Variants in EGFL6 observed in about 807,000 individuals in gnomAD.
The protein encoded by EGFL6 is EGF like domain multiple 6.
EGFL6 carries 42 observed loss-of-function variants against 43.1 expected under a neutral mutation model. That is an observed-to-expected ratio of 0.98 (90% confidence interval 0.76 to 1.26). The LOEUF (loss-of-function observed/expected upper bound fraction) is 1.26, where lower values mean the gene tolerates loss of function less well. EGFL6 is among the 50% of genes most tolerant of loss of function. The probability of loss-of-function intolerance (pLI) is 0.00; values close to 1 mark genes in which losing one functional copy is unlikely to be tolerated. For missense variants in EGFL6, 429 were observed against 427.8 expected, an observed-to-expected ratio of 1.00 and a Z score of -0.02; for synonymous variants, 164 against 163.2, an observed-to-expected ratio of 1.01 and a Z score of -0.04.
At chrX:13,580,680 C>A (rs2045500848) in intron 1 of EGFL6, among the ~76,000 whole-genome samples, 1 of 112,111 alleles carries the variant, frequency 8.9e-6, no homozygotes, top group Non-Finnish European at 1.9e-5. Context: ...CAATAGCTTC[C>A]TTTTACTTTT....
intron 11 of EGFL6, 120 bp from the exon 12 acceptor site, chrX:13,632,865 T>C (rs1176841472): frequency 3.4e-6 from 2 of 591,416 alleles, no homozygotes; most frequent in East Asian, 7.0e-5. Flanking sequence ...TTACAGTATA[T>C]TCAATGTCGA....
In EGFL6 at chrX:13,633,182, A is replaced by G; in HGVS notation, c.*87A>G. On this transcript the variant is annotated 3_prime_UTR_variant, in exon 12 of 12. Transcript: ENST00000361306. ...ATAGGACCTCTGGCATTTTAGAATT[A>G]CTAGCTGAAAAATTGTAATGTACCA... 1 of 760,854 alleles carries G rather than the reference A, an allele frequency of 1.3e-6. No individual in the cohort carries two copies. The highest frequency in any genetic ancestry group is 1.9e-6 in the Non-Finnish European group (1 of 530,902). The allele number at this position is 760,854 out of a possible 1,213,427, so 62.7% of individuals were successfully genotyped here.
intron 11 of EGFL6, among the ~76,000 whole-genome samples, chrX:13,631,174 A>G (rs976751589): frequency 1.8e-5 from 2 of 112,282 alleles, no homozygotes; most frequent in Non-Finnish European, 3.8e-5. Context: ...CATGTTCCAA[A>G]TGAAATATTC....
chrX:13,599,523 C>A (rs767684567), intron 3 of EGFL6, among the ~76,000 whole-genome samples: 3 of 110,374 alleles, frequency 2.7e-5, no homozygotes, highest in Non-Finnish European at 5.7e-5. Context: ...CTATAGTTGT[C>A]GTTTGTTCAG....
chrX:13,607,612 G>A (rs1262260456), intron 6 of EGFL6, among the ~76,000 whole-genome samples: 1 of 111,886 alleles, frequency 8.9e-6, no homozygotes, highest in Admixed American at 9.5e-5. Flanking sequence ...ATACCTAAGG[G>A]GAGGTTCCAC....
Position 13,633,122 on chromosome X carries a change from G to C in EGFL6, c.*27G>C. 1 of 1,131,402 alleles carries C rather than the reference G, an allele frequency of 8.8e-7. No homozygotes were observed. The highest frequency in any genetic ancestry group is 1.2e-6 in the Non-Finnish European group (1 of 844,636). The allele number at this position is 1,131,402 out of a possible 1,213,427, so 93.2% of individuals were successfully genotyped here. A position where few individuals can be genotyped will look rare whatever the true frequency, so the allele number is the denominator to read the frequency against. ...TGTTACTATCTTTATATTTGACTTTGTATGTCAGTTCCCTGGTTTTTTTGA... is the reference window on the plus strand; with the variant it reads ...TGTTACTATCTTTATATTTGACTTTCTATGTCAGTTCCCTGGTTTTTTTGA... On this transcript the variant is annotated 3_prime_UTR_variant, in exon 12 of 12. Coordinates refer to ENST00000361306, the MANE Select transcript of EGFL6 (RefSeq NM_015507.4).
chrX:13,606,581 T>C, intron 6 of EGFL6, 68 bp downstream of exon 6: 1 of 1,089,755 alleles, frequency 9.2e-7, no homozygotes, highest in Non-Finnish European at 1.3e-6. Flanking sequence ...TCTCTGCAGA[T>C]ATTTTGATGT....
In EGFL6 at chrX:13,589,601, C is replaced by A; in HGVS notation, c.120C>A (p.Val40=). The A allele has an allele frequency of 8.3e-7, 1 of 1,211,418 alleles. No homozygotes were observed. Among genetic ancestry groups the A allele is most frequent in the Non-Finnish European group, 1.1e-6 (1 of 895,276 alleles). ...GLLASARQPG[V]CHYGTKLACC... is the part of the protein sequence containing the mutation. ...TAGCATCGGCACGTCAGCCTGGGGT[C>A]TGTCACTATGGAACTAAACTGGCCT... is the stretch of plus-strand genomic sequence containing the variant. The change falls in exon 2 of 12, where the codon GTC becomes GTA. Residue 40 remains valine (V), a synonymous_variant. Transcript: ENST00000361306.
At chrX:13,573,611 T>C (rs2045454818) in intron 1 of EGFL6, among the ~76,000 whole-genome samples, 1 of 112,358 alleles carries the variant, frequency 8.9e-6, no homozygotes, top group African/African-American at 3.2e-5. Flanking sequence ...ACAGATATTA[T>C]TGAGGCCCTA....
In EGFL6 at chrX:13,620,517, C is replaced by CA. The variant is rs200252254; in HGVS notation, c.1183+1283dup. 6.4e-3 allele frequency among the ~76,000 whole-genome samples: 689 copies of CA among 107,881 alleles called. 4 individuals are homozygous for CA. The highest frequency in any genetic ancestry group is 0.024 in the South Asian group (60 of 2,478). The allele number at this position is 107,881 out of a possible 115,157, so 93.7% of individuals were successfully genotyped here. On this transcript the variant is annotated intron_variant, in intron 9 of 11. Coordinates refer to ENST00000361306, the MANE Select transcript of EGFL6 (RefSeq NM_015507.4). ...TTGGTTTACAGGACCATCTCTACCG[C>CA]AAAAAAAAATGTACCTCTCTAATTC...
intron 1 of EGFL6, among the ~76,000 whole-genome samples, chrX:13,573,597 T>C (rs1196647792): frequency 8.9e-6 from 1 of 112,359 alleles, no homozygotes; most frequent in Non-Finnish European, 1.9e-5. Context: ...CAGATTGGCA[T>C]TCAACAGATA....
intron 11 of EGFL6, among the ~76,000 whole-genome samples, chrX:13,629,552 G>A (rs1262656995): frequency 9.0e-6 from 1 of 111,415 alleles, no homozygotes; most frequent in African/African-American, 3.3e-5. Context: ...TTCAGTTCTA[G>A]GGGAAATCTT....
At chrX:13,621,686 G>A (rs1416460344) in intron 9 of EGFL6, among the ~76,000 whole-genome samples, 1 of 112,412 alleles carries the variant, frequency 8.9e-6, no homozygotes, top group African/African-American at 3.2e-5. Context: ...GGCCAAGAAT[G>A]CTCCAGCCAG....
intron 1 of EGFL6, among the ~76,000 whole-genome samples, chrX:13,578,209 A>C (rs1163803400): frequency 9.0e-6 from 1 of 110,925 alleles, no homozygotes; most frequent in African/African-American, 3.3e-5. Flanking sequence ...ATACTTCAAA[A>C]TTTAGTGGCT....
At chrX:13,607,373 C>T (rs1177644659) in intron 6 of EGFL6, among the ~76,000 whole-genome samples, 1 of 111,926 alleles carries the variant, frequency 8.9e-6, no homozygotes, top group Non-Finnish European at 1.9e-5. Flanking sequence ...CTCAGGGCTT[C>T]CCAGGACACG....
chrX:13,597,196 A>T (rs997151346), intron 3 of EGFL6, among the ~76,000 whole-genome samples: 1 of 112,192 alleles, frequency 8.9e-6, no homozygotes, highest in Admixed American at 9.4e-5. Flanking sequence ...TAATTCAGAA[A>T]GGGTCCCCAG....
chrX:13,597,565 CTT>C (rs1247556318), intron 3 of EGFL6, among the ~76,000 whole-genome samples: 2 of 111,865 alleles, frequency 1.8e-5, no homozygotes, highest in East Asian at 2.8e-4. Flanking sequence ...GGGTGGATCA[CTT>C]GAGGTCAAGA....
chrX:13,629,110 C>T (rs2045797474), intron 11 of EGFL6, among the ~76,000 whole-genome samples: 1 of 112,653 alleles, frequency 8.9e-6, no homozygotes, highest in Admixed American at 9.4e-5. Context: ...CCACTCTTCC[C>T]CTCTGAGGTA....
chrX:13,632,953 G>T lies in EGFL6; in HGVS notation c.1552-32G>T, dbSNP rs769174920. On this transcript the variant is annotated intron_variant, in intron 11 of 11. Coordinates refer to ENST00000361306, the MANE Select transcript of EGFL6 (RefSeq NM_015507.4). ...TTATATCATTGTTTTGAACAGTTTG[G>T]AGTAATTTTTTTATTCTCTCTCCAT... 3.5e-6 allele frequency: 4 copies of T among 1,143,615 alleles called. No individual in the cohort carries two copies. The African/African-American group carries it at 5.4e-5, about 15-fold the overall frequency. 94.2% of individuals were successfully genotyped at this position (1,143,615 alleles called of 1,213,427 possible).
Sources: allele counts gnomAD v4.1 joint callset (sites outside exome capture counted in the v4.1 genomes callset), GRCh38; gene constraint gnomAD v4.1.1; transcripts MANE v1.5; gene names NCBI Gene and HGNC (gene_info 2026-07-23, HGNC 2026-07-21).